The following DOCK9 variants were observed in gnomAD, a reference collection of about 807,000 sequenced individuals.
The protein encoded by DOCK9 is dedicator of cytokinesis protein 9.
A neutral mutation model predicts 263.3 loss-of-function variants in DOCK9; 89 were observed. That is an observed-to-expected ratio of 0.34 (90% confidence interval 0.28 to 0.40). The LOEUF (loss-of-function observed/expected upper bound fraction) is 0.40, where lower values mean the gene tolerates loss of function less well. Among genes scored for constraint, DOCK9 ranks in the 10% least tolerant of loss-of-function variants. DOCK9 has a pLI of 1.00. For synonymous variants in DOCK9, 976 were observed against 973.1 expected (o/e 1.00, Z -0.06); for missense variants, 2,140 against 2,603.4 (o/e 0.82, Z 3.87).
At position 98,820,145 on chromosome 13, in the gene DOCK9, A is replaced by T. The variant is rs372276744; in HGVS notation, c.5130+4253T>A. Among the ~76,000 whole-genome samples the T allele has an allele frequency of 1.7e-4, 26 of 152,232 alleles. No homozygotes were observed. The East Asian group carries it at 2.9e-3, about 17-fold the overall frequency. ...CTGGTTACAACATTTTCATTAACCA[A>T]TCAATACCTACACTTGTTTTATGTG... On this transcript the variant is annotated intron_variant, in intron 45 of 52. Transcript: ENST00000682017.
In DOCK9 at chr13:98,797,105, C is replaced by A. The variant is rs748157863; in HGVS notation, c.6156+10G>T. 1.9e-6 allele frequency: 3 copies of A among 1,613,906 alleles called. No homozygotes were observed. Among genetic ancestry groups the A allele is most frequent in the South Asian group, 2.2e-5 (2 of 91,076 alleles). On this transcript the variant is annotated intron_variant, in intron 52 of 52. Coordinates refer to ENST00000682017, the MANE Select transcript of DOCK9 (RefSeq NM_001366683.2). ...GAACTCCAAGTTGTTGGAGCCAGTG[C>A]GGCCCTCACCTGCTCATGCATGATT...
intron 37 of DOCK9, among the ~76,000 whole-genome samples, chr13:98,847,978 G>C (rs571284097): frequency 6.6e-6 from 1 of 152,306 alleles, no homozygotes; most frequent in Admixed American, 6.5e-5. Flanking sequence ...TTTCTAGGAG[G>C]CTGGTTCTGC....
At chr13:98,875,637 A>G (rs956158761) in intron 27 of DOCK9, among the ~76,000 whole-genome samples, 1 of 152,210 alleles carries the variant, frequency 6.6e-6, no homozygotes, top group African/African-American at 2.4e-5. Context: ...AAACACCAAC[A>G]AACTGTTGAC....
chr13:99,086,378 C>A, exon 1 of DOCK9: 2 of 1,165,944 alleles, frequency 1.7e-6, no homozygotes, highest in South Asian at 3.1e-5. Flanking sequence ...CCTCCGCCTC[C>A]GCCTGCTCCC....
At chr13:98,860,841 T>C (rs1287398152) in intron 32 of DOCK9, among the ~76,000 whole-genome samples, 4 of 152,116 alleles carry the variant, frequency 2.6e-5, no homozygotes, top group African/African-American at 9.7e-5. Flanking sequence ...TTTCCTTAGA[T>C]TATTGTTTTG....
chr13:99,008,624 G>C (rs957709769), intron 1 of DOCK9, among the ~76,000 whole-genome samples: 3 of 152,180 alleles, frequency 2.0e-5, no homozygotes, highest in African/African-American at 7.2e-5. Context: ...AGCTAAAGCT[G>C]CTACAACAAA....
At chr13:98,914,002 T>C (rs1380663468) in intron 9 of DOCK9, among the ~76,000 whole-genome samples, 2 of 152,152 alleles carry the variant, frequency 1.3e-5, no homozygotes, top group African/African-American at 4.8e-5. Flanking sequence ...TGTATCAACA[T>C]AGAAAGTACG....
intron 1 of DOCK9, among the ~76,000 whole-genome samples, chr13:99,013,352 C>A (rs1352192963): frequency 6.6e-6 from 1 of 152,164 alleles, no homozygotes; most frequent in African/African-American, 2.4e-5. Context: ...TGGCCTCAAG[C>A]AATCCTCCTG....
chr13:98,803,938 A>ATTTTT lies in DOCK9; in HGVS notation c.5725+1056_5725+1060dup, dbSNP rs34751334. On this transcript the variant is annotated intron_variant, in intron 49 of 52. Coordinates refer to ENST00000682017, the MANE Select transcript of DOCK9 (RefSeq NM_001366683.2). ...CCTGGGCTAATTCATAAAAACCTGT[A>ATTTTT]TTTTTTTTTTTTTTTTTGTAACAGC... Among the ~76,000 whole-genome samples the ATTTTT allele has an allele frequency of 6.3e-5, 9 of 142,372 alleles. No homozygotes were observed. The East Asian group carries it at 1.7e-3, about 26-fold the overall frequency. 93.4% of individuals were successfully genotyped at this position (142,372 alleles called of 152,430 possible).
intron 9 of DOCK9, among the ~76,000 whole-genome samples, chr13:98,910,792 C>T (rs566108617): frequency 6.6e-6 from 1 of 152,232 alleles, no homozygotes; most frequent in South Asian, 2.1e-4. Flanking sequence ...CTTTCTTGCA[C>T]CTTCCTTCCC....
chr13:98,991,786 C>A (rs891060307), intron 1 of DOCK9, among the ~76,000 whole-genome samples: 1 of 151,956 alleles, frequency 6.6e-6, no homozygotes, highest in African/African-American at 2.4e-5. Context: ...ACTTTCCAAT[C>A]TCCTTGGCAG....
chr13:99,060,222 C>G (rs905640745), intron 1 of DOCK9, among the ~76,000 whole-genome samples: 1 of 151,634 alleles, frequency 6.6e-6, no homozygotes, highest in East Asian at 1.9e-4. Flanking sequence ...TACAGGCACC[C>G]GTCACCGCAC....
At chr13:98,853,582 T>C in intron 34 of DOCK9, 60 bp from the exon 35 acceptor site, 1 of 1,225,190 alleles carries the variant, frequency 8.2e-7, no homozygotes, top group Non-Finnish European at 1.2e-6. Context: ...GTGTTTCCCT[T>C]TTCTCCCTTG....
intron 1 of DOCK9, among the ~76,000 whole-genome samples, chr13:98,958,633 G>A (rs768997469): frequency 7.9e-5 from 12 of 152,230 alleles, no homozygotes; most frequent in Non-Finnish European, 1.6e-4. Context: ...ATAAAAACAG[G>A]CAGCAGCCAG....
intron 4 of DOCK9, 63 bp from the exon 5 acceptor site, chr13:98,923,434 T>G: frequency 7.3e-7 from 1 of 1,373,616 alleles, no homozygotes; most frequent in Admixed American, 1.7e-5. Flanking sequence ...GCTTTGCATT[T>G]CTTCCTCCAT....
chr13:98,925,656 C>A lies in DOCK9; in HGVS notation c.416+181G>T, dbSNP rs536207901. ...CATGTTTATTACTACCTATCAATACCAAAGTAGCATGTTTGAGTCTTACAA... is the reference window on the plus strand; with the variant it reads ...CATGTTTATTACTACCTATCAATACAAAAGTAGCATGTTTGAGTCTTACAA... On this transcript the variant is annotated intron_variant, in intron 4 of 52. Transcript: ENST00000682017. Among the ~76,000 whole-genome samples, 3 of 152,172 alleles carry A rather than the reference C, an allele frequency of 2.0e-5. No individual in the cohort carries two copies. The East Asian group carries it at 5.8e-4, about 29-fold the overall frequency.
At position 99,038,294 on chromosome 13, in the gene DOCK9, T is replaced by TCCC. The variant is rs1566338434; in HGVS notation, c.129+47928_129+47929insGGG. 3.5e-5 allele frequency among the ~76,000 whole-genome samples: 2 copies of TCCC among 56,448 alleles called. 1 individual carries two copies. Among genetic ancestry groups the TCCC allele is most frequent in the East Asian group, 8.3e-4 (2 of 2,416 alleles). The allele number at this position is 56,448 out of a possible 152,430, so 37.0% of individuals were successfully genotyped here. On this transcript the variant is annotated intron_variant, in intron 1 of 32. Coordinates refer to the DOCK9 transcript ENST00000427887. ...AAACTGGCTTTATGCCCCCCTTTTTTTTTTTTTTTTTTTTTTTTTTTTTTT... is the reference window on the plus strand; with the variant it reads ...AAACTGGCTTTATGCCCCCCTTTTTTCCCTTTTTTTTTTTTTTTTTTTTTTTTT...
intron 38 of DOCK9, among the ~76,000 whole-genome samples, chr13:98,840,498 G>A (rs1298870199): frequency 2.0e-5 from 3 of 152,146 alleles, no homozygotes; most frequent in Admixed American, 6.5e-5. Context: ...TTATTCTAAA[G>A]CCCCCAAATC....
At chr13:98,872,391 G>GTTTTGT (rs1277755338) in intron 27 of DOCK9, among the ~76,000 whole-genome samples, 1 of 146,844 alleles carries the variant, frequency 6.8e-6, no homozygotes, top group Admixed American at 7.0e-5. Flanking sequence ...CTACAACTTG[G>GTTTTGT]TTTTGTTTTT....
Sources: gnomAD v4.1 joint callset for allele counts (sites outside exome capture counted in the v4.1 genomes callset) on GRCh38, gnomAD v4.1.1 for gene constraint, MANE v1.5 for transcripts, NCBI Gene and HGNC (gene_info 2026-07-23, HGNC 2026-07-21) for gene names.